MTHFD1: variants seen among roughly 807,000 people sequenced by gnomAD.
MTHFD1 encodes the protein C-1-tetrahydrofolate synthase, cytoplasmic.
A neutral mutation model predicts 110.3 loss-of-function variants in MTHFD1; 44 were observed. That is an observed-to-expected ratio of 0.40 (90% CI 0.31 to 0.51). MTHFD1 has a LOEUF of 0.51. Among genes scored for constraint, MTHFD1 ranks in the 20% least tolerant of loss-of-function variants. MTHFD1 has a pLI of 0.60. For missense variants in MTHFD1, 909 were observed against 1,173.1 expected, an observed-to-expected ratio of 0.77 and a Z score of 3.29; for synonymous variants, 402 against 428.8, an observed-to-expected ratio of 0.94 and a Z score of 0.77.
chr14:64,429,357 G>A (rs1030944580), intron 12 of MTHFD1, among the ~76,000 whole-genome samples: 2 of 147,026 alleles, frequency 1.4e-5, no homozygotes, highest in Non-Finnish European at 3.0e-5. Context: ...GTCTTGCTCT[G>A]TCTGGAGTCC....
Position 64,429,774 on chromosome 14 carries a change from C to G in MTHFD1, c.1265-410C>G, listed in dbSNP as rs548492603. On this transcript the variant is annotated intron_variant, in intron 12 of 27. Transcript: ENST00000652337. ...TAGCAATTAGGCTGCTTTCTAACAG[C>G]CTAATCTATTTATCTCTATTTAGGA... 3.3e-5 allele frequency among the ~76,000 whole-genome samples: 5 copies of G among 152,208 alleles called. No individual in the cohort carries two copies. In the South Asian group the frequency reaches 1.0e-3, roughly 32 times the overall value.
intron 1 of MTHFD1, 98 bp from the exon 2 acceptor site, chr14:64,400,695 C>CA (rs2077888950): frequency 1.2e-6 from 1 of 842,144 alleles, no homozygotes; most frequent in African/African-American, 1.7e-5. Flanking sequence ...TGTTAATAAA[C>CA]AAACAAACAA....
chr14:64,442,118 T>C lies in MTHFD1; in HGVS notation c.1949T>C (p.Ile650Thr), dbSNP rs754831285. 2.5e-6 allele frequency: 4 copies of C among 1,614,094 alleles called. No homozygotes were observed. The highest frequency in any genetic ancestry group is 2.2e-5 in the South Asian group (2 of 91,094). Reference protein sequence around the residue: ...ANIAHGNSSIIADRIALKLVG... With the variant: ...ANIAHGNSSITADRIALKLVG... ...ATCGCACATGGCAATTCCTCCATCA[T>C]TGCAGACCGGATCGCACTCAAGCTT... Residue 650 changes from isoleucine (I) to threonine (T), a missense_variant, in exon 20 of 28, where the codon ATT (isoleucine) becomes ACT (threonine). By Grantham distance (89) the Ile-to-Thr change is moderately conservative. This residue lies in a region of MTHFD1 where 482 missense variants were observed against 646.0 expected (regional missense o/e 0.75). Transcript: ENST00000652337.
At chr14:64,439,767 G>A (rs1485058562) in intron 17 of MTHFD1, among the ~76,000 whole-genome samples, 2 of 151,820 alleles carry the variant, frequency 1.3e-5, no homozygotes, top group East Asian at 1.9e-4. Flanking sequence ...GGTGGCACGC[G>A]CCTGTAATCC....
intron 15 of MTHFD1, among the ~76,000 whole-genome samples, chr14:64,433,069 A>AT (rs2078172959): frequency 6.7e-6 from 1 of 149,850 alleles, no homozygotes; most frequent in South Asian, 2.1e-4. Flanking sequence ...GCCACAAGGG[A>AT]TTTTTTGTTT....
chr14:64,420,005 G>A, intron 8 of MTHFD1, 80 bp downstream of exon 8: 12 of 1,001,140 alleles, frequency 1.2e-5, no homozygotes, highest in Middle Eastern at 4.1e-4. Context: ...TGAGAGAGAA[G>A]CTTGTCTCAT....
In MTHFD1 at chr14:64,442,298, G is replaced by A. The variant is rs2078255547; in HGVS notation, c.2032G>A (p.Glu678Lys). 1 of 1,614,132 alleles carries A rather than the reference G, an allele frequency of 6.2e-7. No homozygotes were observed. Among genetic ancestry groups the A allele is most frequent in the Non-Finnish European group, 8.5e-7 (1 of 1,180,056 alleles). Residue 678 changes from glutamate (E) to lysine (K), a missense_variant, in exon 21 of 28, where the codon GAA becomes AAA. This residue lies in a region of MTHFD1 where 482 missense variants were observed against 646.0 expected (regional missense o/e 0.75). Coordinates refer to ENST00000652337, the MANE Select transcript of MTHFD1 (RefSeq NM_005956.4). Reference protein sequence around the residue: ...EAGFGADIGMEKFFNIKCRYS... With the variant: ...EAGFGADIGMKKFFNIKCRYS... Reference sequence around the variant, plus strand: ...AGGATTTGGAGCAGACATTGGAATGGAAAAGTTTTTTAACATCAAATGCCG... The same window carrying A: ...AGGATTTGGAGCAGACATTGGAATGAAAAAGTTTTTTAACATCAAATGCCG...
chr14:64,426,272 G>A (rs1216232002), intron 11 of MTHFD1, 80 bp downstream of exon 11: 1 of 1,474,616 alleles, frequency 6.8e-7, no homozygotes, highest in Non-Finnish European at 9.5e-7. Context: ...CTTGGCACAT[G>A]TATGTAGAGG....
In MTHFD1 at chr14:64,454,836, C is replaced by G. The variant is rs371245049; in HGVS notation, c.2679C>G (p.Ala893=). The change falls in exon 26 of 28, where the codon GCC becomes GCG. Residue 893 remains alanine, a synonymous_variant. Coordinates refer to ENST00000652337, the MANE Select transcript of MTHFD1 (RefSeq NM_005956.4). ...GFILPIRDIR[A]SVGAGFLYPL... ...TTCTGCCCATTCGCGACATCCGCGCCAGCGTTGGGGCTGGTTTTCTGTACC... is the reference window on the plus strand; with the variant it reads ...TTCTGCCCATTCGCGACATCCGCGCGAGCGTTGGGGCTGGTTTTCTGTACC... The G allele has an allele frequency of 3.7e-6, 6 of 1,614,114 alleles. No homozygotes were observed. In the African/African-American group the frequency reaches 6.7e-5, roughly 18 times the overall value.
chr14:64,449,107 T>C, intron 23 of MTHFD1: 1 of 368,030 alleles, frequency 2.7e-6, no homozygotes, highest in Non-Finnish European at 5.2e-6. Context: ...CCAGCAAAAT[T>C]CTTAAATGCT....
intron 1 of MTHFD1, among the ~76,000 whole-genome samples, chr14:64,399,656 CAAAAAAAA>C (rs34735594): frequency 4.4e-5 from 5 of 113,188 alleles, no homozygotes; most frequent in African/African-American, 1.5e-4. Flanking sequence ...GTCCCCATCT[CAAAAAAAA>C]AAAAAAAAAA....
Position 64,449,529 on chromosome 14 carries a change from G to C in MTHFD1, c.2364G>C (p.Trp788Cys). Residue 788 changes from tryptophan (W) to cysteine (C), a missense_variant, in exon 24 of 28, where the codon TGG (tryptophan) becomes TGC (cysteine). Coordinates refer to ENST00000652337, the MANE Select transcript of MTHFD1 (RefSeq NM_005956.4). Reference protein sequence around the residue: ...GAFDAVKCTHWAEGGKGALAL... With the variant: ...GAFDAVKCTHCAEGGKGALAL... ...TTGATGCCGTGAAGTGCACTCACTG[G>C]GCAGAAGGGGGCAAGGGTGCCTTAG... is the stretch of plus-strand genomic sequence containing the variant. 1 of 1,614,164 alleles carries C rather than the reference G, an allele frequency of 6.2e-7. No individual in the cohort carries two copies. Among genetic ancestry groups the C allele is most frequent in the Non-Finnish European group, 8.5e-7 (1 of 1,180,036 alleles).
intron 4 of MTHFD1, among the ~76,000 whole-genome samples, chr14:64,413,607 T>C (rs2078002759): frequency 6.6e-6 from 1 of 152,158 alleles, no homozygotes; most frequent in Admixed American, 6.5e-5. Flanking sequence ...CTATTTGAAT[T>C]TAGTTAAAAT....
intron 9 of MTHFD1, among the ~76,000 whole-genome samples, chr14:64,425,463 G>A (rs928686317): frequency 9.2e-5 from 14 of 152,074 alleles, no homozygotes; most frequent in African/African-American, 3.1e-4. Flanking sequence ...CGCCCACCTT[G>A]GCCTTCCAAA....
chr14:64,395,278 C>G (rs544540559), intron 1 of MTHFD1, among the ~76,000 whole-genome samples: 1 of 152,380 alleles, frequency 6.6e-6, no homozygotes, highest in Non-Finnish European at 1.5e-5. Context: ...TAGATTACTT[C>G]TTAACACACT....
At chr14:64,424,777 G>GTT (rs1347350829) in intron 8 of MTHFD1, 27 bp from the exon 9 acceptor site, 3 of 1,613,120 alleles carry the variant, frequency 1.9e-6, no homozygotes, top group Admixed American at 1.7e-5. Context: ...CTGAGACTTA[G>GTT]TTTTGATTTC....
intron 2 of MTHFD1, among the ~76,000 whole-genome samples, chr14:64,403,081 C>T (rs1382247033): frequency 6.6e-6 from 1 of 152,110 alleles, no homozygotes; most frequent in African/African-American, 2.4e-5. Flanking sequence ...CACTCAGCCT[C>T]CAGAGTAGCT....
intron 15 of MTHFD1, among the ~76,000 whole-genome samples, chr14:64,432,690 T>C (rs59403712): frequency 0.062 from 9,429 of 152,220 alleles, 515 homozygotes; most frequent in African/African-American, 0.16. Context: ...TCAATAGATG[T>C]TAAGGGTATG....
intron 15 of MTHFD1, among the ~76,000 whole-genome samples, chr14:64,433,715 T>C (rs901597737): frequency 2.0e-5 from 2 of 97,926 alleles, no homozygotes; most frequent in East Asian, 3.9e-4. Flanking sequence ...GAGCTCAGCA[T>C]TTTTTTTTTT....
Sources: gnomAD v4.1 joint callset for allele counts (sites outside exome capture counted in the v4.1 genomes callset) on GRCh38, gnomAD v4.1.1 for gene constraint, gnomAD v4.1.1 regional missense constraint, MANE v1.5 for transcripts, NCBI Gene and HGNC (gene_info 2026-07-23, HGNC 2026-07-21) for gene names.